The following SFMBT1 variants were observed in gnomAD, a reference collection of about 807,000 sequenced individuals.
SFMBT1 encodes scm-like with four MBT domains protein 1.
A neutral mutation model predicts 108.7 loss-of-function variants in SFMBT1; 32 were observed. The ratio of observed to expected loss-of-function variants is 0.29; its 90% CI spans 0.22 to 0.40. The LOEUF is 0.40. SFMBT1 is among the 10% of genes least tolerant of loss of function. SFMBT1 has a pLI of 1.00. For missense variants in SFMBT1, 816 were observed against 1,059.6 expected, an observed-to-expected ratio of 0.77 and a Z score of 3.19; for synonymous variants, 348 against 369.5, an observed-to-expected ratio of 0.94 and a Z score of 0.67.
intron 4 of SFMBT1, among the ~76,000 whole-genome samples, chr3:52,935,125 G>A (rs1193691908): frequency 6.6e-6 from 1 of 152,130 alleles, no homozygotes; most frequent in African/African-American, 2.4e-5. Context: ...AAAACAAAGA[G>A]AATAGTCCCA....
At chr3:52,966,967 T>C (rs1221452721) in intron 2 of SFMBT1, among the ~76,000 whole-genome samples, 2 of 150,268 alleles carry the variant, frequency 1.3e-5, no homozygotes, top group Non-Finnish European at 3.0e-5. Flanking sequence ...TATATATATA[T>C]ACTATAATAC....
chr3:52,983,524 A>C (rs1021105527), intron 1 of SFMBT1, among the ~76,000 whole-genome samples: 1 of 152,186 alleles, frequency 6.6e-6, no homozygotes, highest in Non-Finnish European at 1.5e-5. Context: ...TGTTGAATGA[A>C]AACAAATGTT....
chr3:52,952,961 A>C (rs1464444633), intron 3 of SFMBT1, among the ~76,000 whole-genome samples: 1 of 152,174 alleles, frequency 6.6e-6, no homozygotes, highest in African/African-American at 2.4e-5. Context: ...AACTATCTGC[A>C]AGCCAGAAAG....
chr3:52,985,424 T>C (rs2106885515), intron 1 of SFMBT1, among the ~76,000 whole-genome samples: 1 of 152,382 alleles, frequency 6.6e-6, no homozygotes, highest in Non-Finnish European at 1.5e-5. Context: ...GCACTTTTTA[T>C]GTATTGTATA....
At chr3:53,012,704 G>A (rs568003499) in intron 1 of SFMBT1, among the ~76,000 whole-genome samples, 49 of 151,746 alleles carry the variant, frequency 3.2e-4, no homozygotes, top group Admixed American at 5.9e-4. Context: ...GCCCGGCCGA[G>A]TGCTCTTAAT....
chr3:52,928,807 G>T (rs1220148417), intron 8 of SFMBT1, among the ~76,000 whole-genome samples: 1 of 151,278 alleles, frequency 6.6e-6, no homozygotes, highest in South Asian at 2.1e-4. Context: ...GGGCTCAGTT[G>T]ATCCTCCCAC....
At chr3:52,928,952 G>T (rs1045509529) in intron 8 of SFMBT1, among the ~76,000 whole-genome samples, 1 of 151,808 alleles carries the variant, frequency 6.6e-6, no homozygotes, top group African/African-American at 2.4e-5. Context: ...CAATCCTCCT[G>T]CCTCAGCCTC....
chr3:52,936,113 T>C (rs1223607585), intron 4 of SFMBT1, among the ~76,000 whole-genome samples: 1 of 152,240 alleles, frequency 6.6e-6, no homozygotes, highest in Admixed American at 6.5e-5. Flanking sequence ...ACATATGGTC[T>C]GGCTGTCTCT....
intron 2 of SFMBT1, among the ~76,000 whole-genome samples, chr3:52,964,137 C>T (rs939574238): frequency 6.6e-6 from 1 of 152,142 alleles, no homozygotes; most frequent in Non-Finnish European, 1.5e-5. Context: ...GCCACTGTGC[C>T]CAGCTAAAAC....
chr3:52,923,961 C>A (rs1331669352), intron 10 of SFMBT1, among the ~76,000 whole-genome samples: 1 of 152,024 alleles, frequency 6.6e-6, no homozygotes, highest in Non-Finnish European at 1.5e-5. Flanking sequence ...TCTATACCTT[C>A]CAGAAAGGGT....
At position 53,045,897 on chromosome 3, in the gene SFMBT1, C is replaced by T. The variant is rs1326487525; in HGVS notation, c.-212G>A. 6.6e-6 allele frequency: 1 copy of T among 150,890 alleles called. No homozygotes were observed. The highest frequency in any genetic ancestry group is 1.5e-5 in the Non-Finnish European group (1 of 67,752). 9.3% of individuals were successfully genotyped at this position (150,890 alleles called of 1,614,324 possible). ...GCTCGTTTTCTTTCTTTCTTTCCGT[C>T]TTTTCGCTCCCCCGCGCGGAAGCTT... On this transcript the variant is annotated 5_prime_UTR_variant, in exon 1 of 21. Transcript: ENST00000394752.
chr3:52,916,351 T>C (rs1337160481), intron 13 of SFMBT1, 137 bp from the exon 14 acceptor site: 2 of 572,920 alleles, frequency 3.5e-6, no homozygotes, highest in African/African-American at 2.0e-5. Context: ...ACTCCCTTGA[T>C]GATACTTTTT....
chr3:52,988,668 G>C (rs1705014093), intron 1 of SFMBT1, among the ~76,000 whole-genome samples: 2 of 152,118 alleles, frequency 1.3e-5, no homozygotes. Context: ...TCCAAAAAAG[G>C]AGTAAATCTC....
intron 1 of SFMBT1, chr3:53,043,058 A>AGT (rs1216314896): frequency 6.6e-6 from 1 of 152,266 alleles, no homozygotes; most frequent in African/African-American, 2.4e-5. Flanking sequence ...GAACATTCCC[A>AGT]ACTTTTATCA....
intron 5 of SFMBT1, 23 bp downstream of exon 5, chr3:52,934,787 CTGA>C: frequency 6.3e-7 from 1 of 1,579,584 alleles, no homozygotes; most frequent in South Asian, 1.1e-5. Flanking sequence ...GTTTTCCATG[CTGA>C]TGTGGCATGT....
intron 1 of SFMBT1, among the ~76,000 whole-genome samples, chr3:53,043,732 A>G (rs531818761): frequency 6.6e-6 from 1 of 152,260 alleles, no homozygotes; most frequent in Non-Finnish European, 1.5e-5. Context: ...ACCTTCTAAG[A>G]AGTTCCTCAG....
chr3:52,948,825 A>ATTTTTTTTTTTTTTTTT lies in SFMBT1; in HGVS notation c.124-5249_124-5233dup, dbSNP rs71615878. 7.5e-3 allele frequency among the ~76,000 whole-genome samples: 586 copies of ATTTTTTTTTTTTTTTTT among 78,274 alleles called. 40 individuals are homozygous for ATTTTTTTTTTTTTTTTT. Among genetic ancestry groups the ATTTTTTTTTTTTTTTTT allele is most frequent in the Middle Eastern group, 0.011 (1 of 88 alleles). 51.4% of individuals were successfully genotyped at this position (78,274 alleles called of 152,430 possible). ...CTCCACCATGCCTGGCTAATTTTTA[A>ATTTTTTTTTTTTTTTTT]TTTTTTTTTTTTTTTTTTTTTGTAG... On this transcript the variant is annotated intron_variant, in intron 3 of 20. Coordinates refer to ENST00000394752, the MANE Select transcript of SFMBT1 (RefSeq NM_016329.4).
At chr3:52,947,714 T>A (rs1575394338) in intron 3 of SFMBT1, among the ~76,000 whole-genome samples, 1 of 151,922 alleles carries the variant, frequency 6.6e-6, no homozygotes, top group Non-Finnish European at 1.5e-5. Flanking sequence ...TTTAAAAAGG[T>A]AGTGATTTTC....
intron 13 of SFMBT1, among the ~76,000 whole-genome samples, chr3:52,917,848 ACCGGTC>A (rs902557608): frequency 6.6e-5 from 10 of 152,074 alleles, no homozygotes; most frequent in African/African-American, 2.4e-4. Context: ...CTTCCACGAA[ACCGGTC>A]CCTGGTGCCA....
Sources: gnomAD v4.1 joint callset for allele counts (sites outside exome capture counted in the v4.1 genomes callset) on GRCh38, gnomAD v4.1.1 for gene constraint, MANE v1.5 for transcripts, NCBI Gene and HGNC (gene_info 2026-07-23, HGNC 2026-07-21) for gene names.